Variants in MTHFD1 observed in about 807,000 individuals in gnomAD.
The protein encoded by MTHFD1 is methylenetetrahydrofolate dehydrogenase, cyclohydrolase and formyltetrahydrofolate synthetase 1.
MTHFD1 carries 44 observed loss-of-function variants against 110.3 expected under a neutral mutation model. That is an observed-to-expected ratio of 0.40 (90% CI 0.31 to 0.51). The LOEUF is 0.51. Ranked by LOEUF, MTHFD1 falls within the 20% of genes least tolerant of loss-of-function variation. The pLI is 0.60. For synonymous variants in MTHFD1, 402 were observed against 428.8 expected (o/e 0.94, Z 0.77); for missense variants, 909 against 1,173.1 (o/e 0.77, Z 3.29).
chr14:64,421,815 C>T (rs4899136), intron 8 of MTHFD1, among the ~76,000 whole-genome samples: 149,575 of 151,856 alleles, frequency 0.98, 73,697 homozygotes, highest in African/African-American at 1. Context: ...TTAGTAGAGA[C>T]GGGGTTTCAC....
Position 64,395,241 on chromosome 14 carries a change from C to T in MTHFD1, c.42-5552C>T, listed in dbSNP as rs77506714. Among the ~76,000 whole-genome samples, 875 of 152,276 alleles carry T rather than the reference C, an allele frequency of 5.7e-3. 4 individuals carry two copies. Among genetic ancestry groups the T allele is most frequent in the African/African-American group, 0.019 (807 of 41,488 alleles). On this transcript the variant is annotated intron_variant, in intron 1 of 27. Coordinates refer to ENST00000652337, the MANE Select transcript of MTHFD1 (RefSeq NM_005956.4). ...TTTGGCTTACAGAATTAGATTACTT[C>T]TCAACACATTTATTACTTTACAACA...
intron 13 of MTHFD1, among the ~76,000 whole-genome samples, chr14:64,430,538 C>T (rs1006622862): frequency 7.2e-5 from 11 of 151,746 alleles, no homozygotes; most frequent in Non-Finnish European, 1.3e-4. Flanking sequence ...CCTCGTGATC[C>T]GCCCACCTCG....
At chr14:64,429,112 G>C (rs1257199952) in intron 12 of MTHFD1, among the ~76,000 whole-genome samples, 1 of 151,094 alleles carries the variant, frequency 6.6e-6, no homozygotes, top group Non-Finnish European at 1.5e-5. Context: ...TAGATTACTT[G>C]AGGCCAGGAG....
At chr14:64,403,430 G>A (rs1401195521) in intron 2 of MTHFD1, among the ~76,000 whole-genome samples, 1 of 152,042 alleles carries the variant, frequency 6.6e-6, no homozygotes, top group East Asian at 1.9e-4. Context: ...GCCACGCCCA[G>A]CTAATTTTTG....
intron 1 of MTHFD1, among the ~76,000 whole-genome samples, chr14:64,393,090 C>T (rs1217325583): frequency 1.3e-5 from 2 of 152,182 alleles, no homozygotes; most frequent in Non-Finnish European, 2.9e-5. Flanking sequence ...TACATGTAGG[C>T]CCTTTTGTGC....
At chr14:64,402,464 T>G (rs1296432446) in intron 2 of MTHFD1, among the ~76,000 whole-genome samples, 1 of 152,224 alleles carries the variant, frequency 6.6e-6, no homozygotes, top group Admixed American at 6.5e-5. Flanking sequence ...TTGTTTCCCT[T>G]GAAATACCAG....
At chr14:64,433,325 G>T (rs978159390) in intron 15 of MTHFD1, among the ~76,000 whole-genome samples, 20 of 150,854 alleles carry the variant, frequency 1.3e-4, no homozygotes, top group African/African-American at 4.9e-4. Context: ...CATCATGTTG[G>T]CCAGGCTGGT....
In MTHFD1 at chr14:64,400,831, T is replaced by C. The variant is rs1201820242; in HGVS notation, c.80T>C (p.Leu27Ser). 1 of 1,613,988 alleles carries C rather than the reference T, an allele frequency of 6.2e-7. No homozygotes were observed. Among genetic ancestry groups the C allele is most frequent in the Non-Finnish European group, 8.5e-7 (1 of 1,179,908 alleles). Reference sequence around the variant, plus strand: ...AGACTGAAAAATCAAGTCACTCAGTTGAAGGAGCAAGTACCTGGTTTCACA... The same window carrying C: ...AGACTGAAAAATCAAGTCACTCAGTCGAAGGAGCAAGTACCTGGTTTCACA... Reference protein sequence around the residue: ...RARLKNQVTQLKEQVPGFTPR... With the variant: ...RARLKNQVTQSKEQVPGFTPR... The change falls in exon 2 of 28, where the codon TTG becomes TCG. Residue 27 changes from leucine (L) to serine (S), a missense_variant. Transcript: ENST00000652337.
At chr14:64,448,587 T>G (rs1402963332) in intron 23 of MTHFD1, 2 of 470,316 alleles carry the variant, frequency 4.3e-6, no homozygotes, top group African/African-American at 3.9e-5. Context: ...ATGTTCCTTT[T>G]TCATCTTTAG....
chr14:64,447,241 C>T (rs1042686519), intron 22 of MTHFD1, among the ~76,000 whole-genome samples: 1 of 149,160 alleles, frequency 6.7e-6, no homozygotes, highest in Non-Finnish European at 1.5e-5. Context: ...CTGCAACCTC[C>T]GCCTCTGGGG....
intron 14 of MTHFD1, 36 bp from the exon 15 acceptor site, chr14:64,431,751 C>A (rs777146210): frequency 6.2e-6 from 10 of 1,604,282 alleles, no homozygotes; most frequent in Middle Eastern, 1.7e-4. Context: ...AGCAGTGGGG[C>A]TCCTCTCATT....
rs985722072 is a variant in MTHFD1 at position 64,424,670 on chromosome 14, T to C, written c.728-134T>C. The C allele has an allele frequency of 5.3e-6, 5 of 950,374 alleles. No homozygotes were observed. In the African/African-American group the frequency reaches 8.1e-5, roughly 15 times the overall value. The allele number at this position is 950,374 out of a possible 1,614,324, so 58.9% of individuals were successfully genotyped here. A position where few individuals can be genotyped will look rare whatever the true frequency, so the allele number is the denominator to read the frequency against. ...GAAATAGCAAACATCTGTCATTCCA[T>C]AGCTTTTAAGTTAAGTAGGCACTGG... On this transcript the variant is annotated intron_variant, in intron 8 of 27. Coordinates refer to ENST00000652337, the MANE Select transcript of MTHFD1 (RefSeq NM_005956.4).
At chr14:64,409,538 A>G (rs2077965067) in intron 2 of MTHFD1, among the ~76,000 whole-genome samples, 1 of 152,176 alleles carries the variant, frequency 6.6e-6, no homozygotes, top group Non-Finnish European at 1.5e-5. Context: ...ACTTTGATCT[A>G]AAAATTCCGG....
At chr14:64,446,578 A>G (rs983470411) in intron 22 of MTHFD1, among the ~76,000 whole-genome samples, 4 of 151,966 alleles carry the variant, frequency 2.6e-5, no homozygotes, top group African/African-American at 4.8e-5. Context: ...GTCTGGCTCT[A>G]TTACCCAGGC....
intron 8 of MTHFD1, among the ~76,000 whole-genome samples, chr14:64,421,978 AT>A (rs902548318): frequency 1.3e-4 from 20 of 148,774 alleles, no homozygotes; most frequent in African/African-American, 2.2e-4. Context: ...TGCTTTTGGC[AT>A]TTTTTTTTTG....
At chr14:64,459,360 G>A (rs1178025896) in intron 27 of MTHFD1, among the ~76,000 whole-genome samples, 1 of 152,156 alleles carries the variant, frequency 6.6e-6, no homozygotes, top group African/African-American at 2.4e-5. Flanking sequence ...GGGAGCACCT[G>A]AGAAAAACTA....
At chr14:64,389,269 T>C (rs1006135651) in intron 1 of MTHFD1, 25 of 152,254 alleles carry the variant, frequency 1.6e-4, no homozygotes, top group African/African-American at 6.0e-4. Context: ...AGATATATTC[T>C]GTGTGACCTT....
chr14:64,442,093 A>G lies in MTHFD1; in HGVS notation c.1924A>G (p.Ile642Val), dbSNP rs2078253821. Residue 642 changes from isoleucine to valine, a missense_variant, in exon 20 of 28, where the codon ATC becomes GTC. Physicochemically the swap from Ile to Val is conservative, Grantham distance 29. Around this residue, in one of 3 missense-constraint regions of MTHFD1, gnomAD observed 482 missense variants for 646.0 expected, o/e 0.75. Transcript: ENST00000652337. ...VFVHAGPFAN[I>V]AHGNSSIIAD... is the part of the protein sequence containing the mutation. ...TGTCCATGCTGGCCCGTTTGCCAACATCGCACATGGCAATTCCTCCATCAT... is the reference window on the plus strand; with the variant it reads ...TGTCCATGCTGGCCCGTTTGCCAACGTCGCACATGGCAATTCCTCCATCAT... 3.7e-6 allele frequency: 6 copies of G among 1,614,104 alleles called. No homozygotes were observed. Among genetic ancestry groups the G allele is most frequent in the Middle Eastern group, 3.3e-4 (2 of 6,084 alleles).
At position 64,412,325 on chromosome 14, in the gene MTHFD1, G is replaced by C. The variant is rs146868074; in HGVS notation, c.187-147G>C. 61 of 709,642 alleles carry C rather than the reference G, an allele frequency of 8.6e-5. No individual in the cohort carries two copies. The African/African-American group carries it at 1.0e-3, about 12-fold the overall frequency. 44.0% of individuals were successfully genotyped at this position (709,642 alleles called of 1,614,324 possible). A position where few individuals can be genotyped will look rare whatever the true frequency, so the allele number is the denominator to read the frequency against. On this transcript the variant is annotated intron_variant, in intron 3 of 27. Coordinates refer to ENST00000652337, the MANE Select transcript of MTHFD1 (RefSeq NM_005956.4). ...GCAATTAACAAGTGAATGATGAATG[G>C]GTTGAAGTGAGGGACTCATTCTTCA...
Sources: allele counts gnomAD v4.1 joint callset (sites outside exome capture counted in the v4.1 genomes callset), GRCh38; gene constraint gnomAD v4.1.1; regional missense constraint gnomAD v4.1.1; transcripts MANE v1.5; gene names NCBI Gene and HGNC (gene_info 2026-07-23, HGNC 2026-07-21).